The following WDPCP variants were observed in gnomAD, a reference collection of about 807,000 sequenced individuals.
WDPCP encodes the protein WD repeat-containing and planar cell polarity effector protein fritz homolog.
In WDPCP, 71 loss-of-function variants were observed where a neutral mutation model predicts 93.1. The ratio of observed to expected loss-of-function variants is 0.76; its 90% CI spans 0.63 to 0.93. The LOEUF (loss-of-function observed/expected upper bound fraction) is 0.93. WDPCP is among the 40% of genes least tolerant of loss of function. The pLI, the probability that WDPCP is intolerant of heterozygous loss-of-function variation, is 0.00. For synonymous variants in WDPCP, 315 were observed against 315.0 expected (o/e 1.00, Z 0.00); for missense variants, 844 against 887.4 (o/e 0.95, Z 0.62).
chr2:63,391,277 C>A (rs1344563722), intron 10 of WDPCP, among the ~76,000 whole-genome samples: 1 of 152,120 alleles, frequency 6.6e-6, no homozygotes, highest in African/African-American at 2.4e-5. Context: ...ATAAACAGAA[C>A]CAACGACAAA....
At chr2:63,193,211 C>T (rs942606962) in intron 14 of WDPCP, among the ~76,000 whole-genome samples, 3 of 152,122 alleles carry the variant, frequency 2.0e-5, no homozygotes, top group Admixed American at 1.3e-4. Flanking sequence ...AAACAATTTA[C>T]GGAACCCCCA....
chr2:63,129,051 AT>A (rs1670117150), intron 17 of WDPCP, among the ~76,000 whole-genome samples: 1 of 152,232 alleles, frequency 6.6e-6, no homozygotes, highest in Non-Finnish European at 1.5e-5. Flanking sequence ...TTTGAGCCTC[AT>A]TTCACTTAGC....
chr2:63,253,048 T>A (rs977737171), intron 14 of WDPCP, among the ~76,000 whole-genome samples: 3 of 152,038 alleles, frequency 2.0e-5, no homozygotes, highest in Non-Finnish European at 4.4e-5. Flanking sequence ...AACAACATAG[T>A]AGTAGTACAA....
chr2:63,197,030 T>G (rs1675489789), intron 14 of WDPCP, among the ~76,000 whole-genome samples: 1 of 152,064 alleles, frequency 6.6e-6, no homozygotes, highest in Admixed American at 6.6e-5. Context: ...GAAAAAGAAA[T>G]AAACAAATTA....
At chr2:63,126,457 T>C (rs1669908423) in intron 17 of WDPCP, among the ~76,000 whole-genome samples, 1 of 152,024 alleles carries the variant, frequency 6.6e-6, no homozygotes, top group Admixed American at 6.6e-5. Context: ...GGTATAGAGG[T>C]GTGTAGCAGT....
rs1301996482 is a variant in WDPCP, at chr2:63,165,921, TTTTG to T, written c.2078+8745_2078+8748del. Reference sequence around the variant, plus strand: ...TTGGATTTGATATCTTACTACAGTTTTTTGTTTGTTTGTTTTGTTTTGTTCTTTG... The same window carrying T: ...TTGGATTTGATATCTTACTACAGTTTTTTGTTTGTTTTGTTTTGTTCTTTG... On this transcript the variant is annotated intron_variant, in intron 15 of 17. Transcript: ENST00000272321. Among the ~76,000 whole-genome samples the T allele has an allele frequency of 5.3e-5, 8 of 152,078 alleles. No homozygotes were observed. In the South Asian group the frequency reaches 1.0e-3, roughly 20 times the overall value.
chr2:63,495,677 T>C (rs1395518061), intron 1 of WDPCP, among the ~76,000 whole-genome samples: 2 of 152,112 alleles, frequency 1.3e-5, no homozygotes, highest in Non-Finnish European at 2.9e-5. Flanking sequence ...ATAAAATGGG[T>C]ATAATAAAGT....
chr2:63,753,645 C>A (rs909376991), intron 2 of WDPCP, among the ~76,000 whole-genome samples: 4 of 152,088 alleles, frequency 2.6e-5, no homozygotes, highest in Admixed American at 1.3e-4. Flanking sequence ...GTGCTACACA[C>A]TTTTAAACAA....
intron 9 of WDPCP, 121 bp from the exon 10 acceptor site, chr2:63,404,778 G>A: frequency 1.6e-6 from 2 of 1,222,626 alleles, no homozygotes; most frequent in Non-Finnish European, 2.3e-6. Flanking sequence ...TTAAACATCA[G>A]CAACATACAA....
chr2:63,518,581 G>A (rs1702708134), intron 1 of WDPCP: 1 of 152,792 alleles, frequency 6.5e-6, no homozygotes, highest in African/African-American at 2.4e-5. Context: ...ATCTGTAGTG[G>A]AGCATGGCCA....
chr2:63,776,655 C>CAAAAAA (rs778768889), intron 2 of WDPCP, among the ~76,000 whole-genome samples: 1 of 54,006 alleles, frequency 1.9e-5, no homozygotes, highest in African/African-American at 8.4e-5. Context: ...GGCCCTGTCT[C>CAAAAAA]AAAAAAAAAA....
chr2:63,681,356 C>A (rs1329577148), intron 2 of WDPCP, among the ~76,000 whole-genome samples: 2 of 152,134 alleles, frequency 1.3e-5, no homozygotes, highest in Non-Finnish European at 2.9e-5. Context: ...TCACCACAAG[C>A]TGACTGAAGA....
At chr2:63,732,569 C>G (rs1002354208) in intron 2 of WDPCP, among the ~76,000 whole-genome samples, 4 of 151,822 alleles carry the variant, frequency 2.6e-5, no homozygotes, top group Admixed American at 2.6e-4. Context: ...AACCTGAGTA[C>G]TATATAAAAA....
At chr2:63,781,787 T>C (rs1670396089) in intron 2 of WDPCP, among the ~76,000 whole-genome samples, 1 of 152,154 alleles carries the variant, frequency 6.6e-6, no homozygotes, top group Admixed American at 6.6e-5. Flanking sequence ...ATTACAGCCA[T>C]AGTTCCAGTA....
intron 2 of WDPCP, among the ~76,000 whole-genome samples, chr2:63,701,636 G>GTT (rs1029631233): frequency 2.0e-4 from 31 of 152,260 alleles, no homozygotes; most frequent in East Asian, 9.7e-4. Flanking sequence ...AAGAAAATGT[G>GTT]TTATATATAT....
chr2:63,547,815 TG>T (rs1331885905), intron 1 of WDPCP, among the ~76,000 whole-genome samples: 17 of 148,864 alleles, frequency 1.1e-4, no homozygotes, highest in African/African-American at 4.2e-4. Context: ...GCTGGGAAGG[TG>T]GGGTGGGGGA....
At chr2:63,577,352 T>C (rs1206144951) in intron 1 of WDPCP, among the ~76,000 whole-genome samples, 8 of 152,184 alleles carry the variant, frequency 5.3e-5, no homozygotes, top group Admixed American at 5.2e-4. Flanking sequence ...GTATTGTACC[T>C]TAAATTAAAG....
At chr2:63,589,645 A>G (rs1709121758), upstream of WDPCP, among the ~76,000 whole-genome samples, 1 of 152,234 alleles carries the variant, frequency 6.6e-6, no homozygotes, top group Non-Finnish European at 1.5e-5. Flanking sequence ...CACTAACTAA[A>G]TAACTACTGC....
At chr2:63,294,803 C>A (rs10210407) in intron 13 of WDPCP, among the ~76,000 whole-genome samples, 2 of 151,996 alleles carry the variant, frequency 1.3e-5, no homozygotes, top group African/African-American at 4.8e-5. Flanking sequence ...AACAATGGTT[C>A]AAAATTCCAC....
Sources: allele counts gnomAD v4.1 joint callset (sites outside exome capture counted in the v4.1 genomes callset), GRCh38; gene constraint gnomAD v4.1.1; transcripts MANE v1.5; gene names NCBI Gene and HGNC (gene_info 2026-07-23, HGNC 2026-07-21).